ME3: variants seen among roughly 807,000 people sequenced by gnomAD.
The protein encoded by ME3 is NADP-dependent malic enzyme, mitochondrial.
In ME3, 48 loss-of-function variants were observed where a neutral mutation model predicts 68.9. The ratio of observed to expected loss-of-function variants is 0.70; its 90% confidence interval spans 0.55 to 0.89. The LOEUF is 0.89. ME3 is among the 40% of genes least tolerant of loss of function. The pLI is 0.00. For missense variants in ME3, 675 were observed against 797.4 expected (o/e 0.85, Z 1.85); for synonymous variants, 320 against 318.8 (o/e 1.00, Z -0.04).
chr11:86,562,909 G>C (rs974324521), intron 2 of ME3, among the ~76,000 whole-genome samples: 1 of 151,968 alleles, frequency 6.6e-6, no homozygotes, highest in Non-Finnish European at 1.5e-5. Flanking sequence ...ACTTATAAGC[G>C]ATAACATGTG....
chr11:86,475,815 T>C lies in ME3; in HGVS notation c.810-10615A>G, dbSNP rs1183602014. ...CAGTGAGAAAATGAGAATTCTAAGA[T>C]ACAGACTGAACCACAGAAGGCATTC... is the stretch of plus-strand genomic sequence containing the variant. On this transcript the variant is annotated intron_variant, in intron 7 of 14. Coordinates refer to ENST00000543262, the Ensembl canonical transcript of ME3. 5.4e-5 allele frequency among the ~76,000 whole-genome samples: 8 copies of C among 147,142 alleles called. No homozygotes were observed. The Admixed American group carries it at 5.5e-4, about 10-fold the overall frequency.
chr11:86,594,690 A>C lies in ME3; in HGVS notation c.184-34867T>G, dbSNP rs1164440338. Among the ~76,000 whole-genome samples, 3 of 145,620 alleles carry C rather than the reference A, an allele frequency of 2.1e-5. 1 individual carries two copies. Among genetic ancestry groups the C allele is most frequent in the Non-Finnish European group, 4.5e-5 (3 of 67,010 alleles). Reference sequence around the variant, plus strand: ...AAGACCCTTTCTCAAAAAACAATACAAAAAAACACAAAAAAACAAAAAAAC... The same window carrying C: ...AAGACCCTTTCTCAAAAAACAATACCAAAAAACACAAAAAAACAAAAAAAC... On this transcript the variant is annotated intron_variant, in intron 2 of 14. Transcript: ENST00000543262.
exon 7 of ME3, chr11:86,487,393 C>T: frequency 6.2e-7 from 1 of 1,614,160 alleles, no homozygotes; most frequent in Non-Finnish European, 8.5e-7. Flanking sequence ...CCTTCCCGTG[C>T]ACGCGCTGGT....
chr11:86,591,630 A>G (rs1959066476), intron 2 of ME3, among the ~76,000 whole-genome samples: 1 of 152,222 alleles, frequency 6.6e-6, no homozygotes, highest in African/African-American at 2.4e-5. Context: ...AAGACTGGGC[A>G]ATTTACAAAA....
intron 12 of ME3, chr11:86,446,817 C>T: frequency 1.7e-6 from 1 of 604,360 alleles, no homozygotes; most frequent in Non-Finnish European, 2.8e-6. Context: ...GGTCAAAGCT[C>T]TGTGTTATTT....
At chr11:86,515,786 C>G (rs1953857249) in intron 4 of ME3, among the ~76,000 whole-genome samples, 1 of 152,112 alleles carries the variant, frequency 6.6e-6, no homozygotes, top group Admixed American at 6.5e-5. Flanking sequence ...AATCTTCTCT[C>G]CTTGAGAATG....
At chr11:86,525,976 C>T (rs1007362931) in intron 4 of ME3, among the ~76,000 whole-genome samples, 41 of 152,122 alleles carry the variant, frequency 2.7e-4, no homozygotes, top group Admixed American at 2.2e-3. Flanking sequence ...GCATTTCCAA[C>T]TGAGGTACCG....
intron 3 of ME3, among the ~76,000 whole-genome samples, chr11:86,559,232 C>T (rs1294241587): frequency 6.6e-6 from 1 of 151,938 alleles, no homozygotes; most frequent in African/African-American, 2.4e-5. Flanking sequence ...CTAAGGTGTC[C>T]CCTGTCCATT....
intron 2 of ME3, among the ~76,000 whole-genome samples, chr11:86,560,904 G>A (rs1381707299): frequency 1.3e-5 from 2 of 151,376 alleles, no homozygotes; most frequent in African/African-American, 4.9e-5. Flanking sequence ...CCCTGGTCAG[G>A]TATTTTGCAC....
intron 4 of ME3, among the ~76,000 whole-genome samples, chr11:86,547,978 G>T (rs1408013964): frequency 6.6e-6 from 1 of 152,210 alleles, no homozygotes; most frequent in Non-Finnish European, 1.5e-5. Flanking sequence ...AGAACATCCT[G>T]TTCTAGTTAA....
Position 86,574,919 on chromosome 11 carries a change from G to GCATGCACGCCTCTACCAGGCTTCAACA in ME3, c.184-15097_184-15096insTGTTGAAGCCTGGTAGAGGCGTGCATG, listed in dbSNP as rs1421545765. Among the ~76,000 whole-genome samples, 147 of 148,798 alleles carry GCATGCACGCCTCTACCAGGCTTCAACA rather than the reference G, an allele frequency of 9.9e-4. 4 individuals carry two copies. Among genetic ancestry groups the GCATGCACGCCTCTACCAGGCTTCAACA allele is most frequent in the African/African-American group, 2.0e-3 (79 of 39,148 alleles). ...ACTTTAAAAAGCCTTCCATGTGAAG[G>GCATGCACGCCTCTACCAGGCTTCAACA]TATCTGCAAATTCCAAGGATGTTCA... On this transcript the variant is annotated intron_variant, in intron 2 of 14. Transcript: ENST00000543262.
At chr11:86,604,683 T>G (rs2135147247) in intron 2 of ME3, among the ~76,000 whole-genome samples, 1 of 152,312 alleles carries the variant, frequency 6.6e-6, no homozygotes, top group East Asian at 1.9e-4. Flanking sequence ...ATATTATTAT[T>G]TTCATTTTAT....
chr11:86,577,976 GT>G (rs2139591510), intron 2 of ME3, among the ~76,000 whole-genome samples: 1 of 152,270 alleles, frequency 6.6e-6, no homozygotes, highest in South Asian at 2.1e-4. Flanking sequence ...TGAAAGATTA[GT>G]TTTTGCGAAG....
At chr11:86,552,555 A>G (rs1448566635) in intron 4 of ME3, among the ~76,000 whole-genome samples, 4 of 152,102 alleles carry the variant, frequency 2.6e-5, no homozygotes, top group Non-Finnish European at 5.9e-5. Flanking sequence ...TTTAACCAGA[A>G]ACCCCTTATT....
chr11:86,643,364 A>T (rs944414317), intron 2 of ME3, among the ~76,000 whole-genome samples: 3 of 152,014 alleles, frequency 2.0e-5, no homozygotes, highest in African/African-American at 7.3e-5. Context: ...TCTGTCCTCC[A>T]TTCAGAACCA....
intron 4 of ME3, among the ~76,000 whole-genome samples, chr11:86,509,398 TCACACACACACACA>T (rs3045014): frequency 6.9e-6 from 1 of 144,544 alleles, no homozygotes; most frequent in Non-Finnish European, 1.6e-5. Context: ...TACTCCATCA[TCACACACACACACA>T]CACACACACA....
At chr11:86,487,997 G>A (rs1357930122) in intron 6 of ME3, among the ~76,000 whole-genome samples, 3 of 152,120 alleles carry the variant, frequency 2.0e-5, no homozygotes, top group African/African-American at 7.2e-5. Context: ...AGCCAACCCA[G>A]TGAGACCCCA....
downstream of ME3, among the ~76,000 whole-genome samples, chr11:86,437,481 C>G (rs1159031137): frequency 1.3e-5 from 2 of 152,046 alleles, no homozygotes. Flanking sequence ...ATTTTAGAAT[C>G]AGCCTGTAAG....
intron 7 of ME3, among the ~76,000 whole-genome samples, chr11:86,485,542 C>G (rs924445034): frequency 1.3e-5 from 2 of 152,162 alleles, no homozygotes; most frequent in Non-Finnish European, 2.9e-5. Flanking sequence ...AAACATCTAA[C>G]TTTCTGATCA....
Sources: gnomAD v4.1 joint callset for allele counts (sites outside exome capture counted in the v4.1 genomes callset) on GRCh38, gnomAD v4.1.1 for gene constraint, MANE v1.5 for transcripts, NCBI Gene and HGNC (gene_info 2026-07-23, HGNC 2026-07-21) for gene names.